KCNH1: variants seen among roughly 807,000 people sequenced by gnomAD.
KCNH1 encodes voltage-gated delayed rectifier potassium channel KCNH1.
In KCNH1, 27 loss-of-function variants were observed where a neutral mutation model predicts 69.2. The observed-to-expected ratio is 0.39, with a 90% confidence interval of 0.29 to 0.54. KCNH1 has a LOEUF of 0.54. KCNH1 is among the 20% of genes least tolerant of loss of function. The pLI is 0.68. For synonymous variants in KCNH1, 456 were observed against 487.7 expected, an observed-to-expected ratio of 0.93 and a Z score of 0.86; for missense variants, 798 against 1,261.6, an observed-to-expected ratio of 0.63 and a Z score of 5.57.
intron 6 of KCNH1, among the ~76,000 whole-genome samples, chr1:210,994,372 C>A (rs1032125150): frequency 6.6e-6 from 1 of 152,168 alleles, no homozygotes. Flanking sequence ...GACACAATCC[C>A]TTCTCACTAG....
At chr1:210,823,155 T>TA (rs1247893115) in intron 7 of KCNH1, among the ~76,000 whole-genome samples, 1 of 152,134 alleles carries the variant, frequency 6.6e-6, no homozygotes, top group Admixed American at 6.5e-5. Flanking sequence ...GAAACTATGC[T>TA]AATGTAAAAA....
intron 10 of KCNH1, among the ~76,000 whole-genome samples, chr1:210,747,919 G>A (rs1254425477): frequency 6.6e-6 from 1 of 152,240 alleles, no homozygotes; most frequent in Non-Finnish European, 1.5e-5. Flanking sequence ...TAAGTCCTGA[G>A]ATGAGATCCT....
At chr1:211,090,839 A>C (rs1340815689) in intron 3 of KCNH1, 149 bp from the exon 4 acceptor site, 1 of 723,608 alleles carries the variant, frequency 1.4e-6, no homozygotes, top group East Asian at 3.2e-5. Context: ...ATCACACCAT[A>C]AATTTTTTTT....
At chr1:210,746,926 G>C (rs1683174977) in intron 10 of KCNH1, among the ~76,000 whole-genome samples, 2 of 152,164 alleles carry the variant, frequency 1.3e-5, no homozygotes, top group South Asian at 4.1e-4. Context: ...ATGGGACAGA[G>C]GAAGGGGGAA....
intron 6 of KCNH1, among the ~76,000 whole-genome samples, chr1:210,959,749 T>A (rs1688257915): frequency 6.6e-6 from 1 of 152,206 alleles, no homozygotes; most frequent in African/African-American, 2.4e-5. Context: ...TGCCAGTTGC[T>A]AAGACCATGA....
At chr1:211,038,161 C>G (rs1336542201) in intron 5 of KCNH1, among the ~76,000 whole-genome samples, 1 of 151,958 alleles carries the variant, frequency 6.6e-6, no homozygotes, top group Non-Finnish European at 1.5e-5. Flanking sequence ...CGGGGTTTCA[C>G]CGTGTTAGCC....
rs547229915 is a variant in KCNH1 at position 211,003,954 on chromosome 1, G to A, written c.1032+14829C>T. 3.9e-5 allele frequency among the ~76,000 whole-genome samples: 6 copies of A among 152,098 alleles called. No homozygotes were observed. In the South Asian group the frequency reaches 1.0e-3, roughly 26 times the overall value. On this transcript the variant is annotated intron_variant, in intron 6 of 10. Transcript: ENST00000271751. ...TAAAAATACAAAAAATTAGCCAGGC[G>A]AGGTGGTGGGCGCCTGTAGTCCCAG...
At chr1:210,902,537 G>A (rs936970369) in intron 7 of KCNH1, among the ~76,000 whole-genome samples, 1 of 152,192 alleles carries the variant, frequency 6.6e-6, no homozygotes, top group Non-Finnish European at 1.5e-5. Context: ...CATCATTGCT[G>A]CCGGGCAGCC....
chr1:210,688,951 G>C (rs1681469314), intron 10 of KCNH1, among the ~76,000 whole-genome samples: 1 of 152,184 alleles, frequency 6.6e-6, no homozygotes, highest in African/African-American at 2.4e-5. Context: ...CCTGGATCCA[G>C]CTAGAGTCCT....
intron 7 of KCNH1, chr1:210,858,954 C>T (rs1027977406): frequency 1.6e-5 from 7 of 445,180 alleles, no homozygotes; most frequent in Non-Finnish European, 2.8e-5. Flanking sequence ...CCCTAAGGTA[C>T]CTCCAATCCC....
intron 10 of KCNH1, among the ~76,000 whole-genome samples, chr1:210,699,069 A>T (rs140354395): frequency 6.6e-6 from 1 of 152,202 alleles, no homozygotes. Context: ...CTGTCCCCGT[A>T]TTTTGGACCT....
At chr1:210,736,709 A>G (rs1335865445) in intron 10 of KCNH1, among the ~76,000 whole-genome samples, 1 of 152,242 alleles carries the variant, frequency 6.6e-6, no homozygotes, top group Non-Finnish European at 1.5e-5. Context: ...GAGCATCTAA[A>G]TAACCAGGTT....
chr1:210,770,471 G>A (rs1012582647), intron 10 of KCNH1, among the ~76,000 whole-genome samples: 1 of 152,238 alleles, frequency 6.6e-6, no homozygotes, highest in Non-Finnish European at 1.5e-5. Context: ...TTGCCCAAAG[G>A]CACATAGCTG....
chr1:210,919,558 A>T lies in KCNH1; in HGVS notation c.1462+82T>A. On this transcript the variant is annotated intron_variant, in intron 7 of 10. Coordinates refer to ENST00000271751, the MANE Select transcript of KCNH1 (RefSeq NM_172362.3). This position sits in a 1 kb window ranked among gnomAD's most constrained non-coding sequence, Gnocchi z 4.2. ...CTTGTTTTAAGTTATTATTCTCCTG[A>T]TCCTGCTGGCACTGTAGCCATTTCC... 8.0e-7 allele frequency: 1 copy of T among 1,244,572 alleles called. No individual in the cohort carries two copies. The highest frequency in any genetic ancestry group is 1.1e-6 in the Non-Finnish European group (1 of 873,780). 77.1% of individuals were successfully genotyped at this position (1,244,572 alleles called of 1,614,324 possible).
chr1:210,868,758 A>C (rs1686171694), intron 7 of KCNH1, among the ~76,000 whole-genome samples: 1 of 152,024 alleles, frequency 6.6e-6, no homozygotes, highest in Non-Finnish European at 1.5e-5. Context: ...ACCAACCACT[A>C]ATCTGTTTTC....
chr1:211,021,741 A>C (rs1689589651), intron 5 of KCNH1, among the ~76,000 whole-genome samples: 1 of 152,030 alleles, frequency 6.6e-6, no homozygotes, highest in Non-Finnish European at 1.5e-5. Flanking sequence ...CAATAGCTAC[A>C]AAAAAAATTA....
chr1:210,822,835 T>A (rs948474428), intron 7 of KCNH1, among the ~76,000 whole-genome samples: 17 of 152,176 alleles, frequency 1.1e-4, no homozygotes, highest in African/African-American at 3.9e-4. Context: ...CCCAAAGTAC[T>A]TTGCTTTCAC....
intron 10 of KCNH1, among the ~76,000 whole-genome samples, chr1:210,768,851 G>A (rs566198595): frequency 1.3e-5 from 2 of 152,002 alleles, no homozygotes; most frequent in Admixed American, 6.6e-5. Context: ...AAATGTTCTC[G>A]GGGTACTGGG....
At chr1:211,020,050 T>A (rs1689561983) in intron 5 of KCNH1, among the ~76,000 whole-genome samples, 1 of 151,444 alleles carries the variant, frequency 6.6e-6, no homozygotes, top group African/African-American at 2.4e-5. Flanking sequence ...ATCAAAGAAG[T>A]AAAAAGATTT....
Sources: allele counts gnomAD v4.1 joint callset (sites outside exome capture counted in the v4.1 genomes callset), GRCh38; gene constraint gnomAD v4.1.1; non-coding constraint Gnocchi (gnomAD v3.1); transcripts MANE v1.5; gene names NCBI Gene and HGNC (gene_info 2026-07-23, HGNC 2026-07-21).